PPP2R2B: variants seen among roughly 807,000 people sequenced by gnomAD.
The protein encoded by PPP2R2B is serine/threonine-protein phosphatase 2A 55 kDa regulatory subunit B beta isoform.
Under a neutral mutation model 46.0 loss-of-function variants are expected in PPP2R2B, and 5 were observed. The ratio of observed to expected loss-of-function variants is 0.11; its 90% CI spans 0.06 to 0.23. The LOEUF is 0.23. Ranked by LOEUF, PPP2R2B falls within the 10% of genes least tolerant of loss-of-function variation. The probability of loss-of-function intolerance (pLI) is 1.00; values close to 1 mark genes in which losing one functional copy is unlikely to be tolerated. For missense variants in PPP2R2B, 367 were observed against 575.0 expected (o/e 0.64, Z 3.70); for synonymous variants, 215 against 206.7 (o/e 1.04, Z -0.34).
chr5:146,851,823 AT>A (rs11436255), intron 2 of PPP2R2B, among the ~76,000 whole-genome samples: 33 of 148,778 alleles, frequency 2.2e-4, no homozygotes, highest in African/African-American at 2.5e-4. Context: ...GAGAGTCTTC[AT>A]TTTTTTTTTA....
chr5:146,981,697 C>A (rs1293135286), intron 1 of PPP2R2B, among the ~76,000 whole-genome samples: 1 of 152,148 alleles, frequency 6.6e-6, no homozygotes, highest in Non-Finnish European at 1.5e-5. Context: ...ACATTTCCAT[C>A]CCCACAAGGA....
At chr5:146,988,850 C>G (rs969780122) in intron 1 of PPP2R2B, among the ~76,000 whole-genome samples, 3 of 151,418 alleles carry the variant, frequency 2.0e-5, no homozygotes, top group Admixed American at 6.6e-5. Flanking sequence ...ACAGACAAAA[C>G]GAATAATCCT....
At chr5:146,796,287 C>T (rs769087876) in intron 2 of PPP2R2B, among the ~76,000 whole-genome samples, 5 of 152,206 alleles carry the variant, frequency 3.3e-5, no homozygotes, top group South Asian at 2.1e-4. Context: ...ATCTGTTCCT[C>T]GAGTCATCAC....
chr5:146,871,869 A>C (rs531834375), intron 2 of PPP2R2B, among the ~76,000 whole-genome samples: 7 of 152,292 alleles, frequency 4.6e-5, no homozygotes, highest in Admixed American at 3.9e-4. Flanking sequence ...TGTACCTTGA[A>C]ATTTCTTATT....
chr5:147,055,514 G>A (rs1008232905), intron 1 of PPP2R2B: 17 of 642,906 alleles, frequency 2.6e-5, no homozygotes, highest in Non-Finnish European at 4.0e-5. Context: ...ACTGATTTCA[G>A]AAGCAGATCT....
chr5:146,601,900 T>G (rs1771818997), intron 7 of PPP2R2B, among the ~76,000 whole-genome samples: 1 of 152,218 alleles, frequency 6.6e-6, no homozygotes, highest in Non-Finnish European at 1.5e-5. Flanking sequence ...TAGCTTCAGC[T>G]GATTTCCACT....
intron 5 of PPP2R2B, among the ~76,000 whole-genome samples, chr5:146,680,382 C>T: frequency 7.9e-6 from 1 of 126,352 alleles, no homozygotes; most frequent in Non-Finnish European, 1.6e-5. Flanking sequence ...ATATCACACT[C>T]TGGGGACTGT....
At chr5:146,654,995 C>T (rs1025743090) in intron 5 of PPP2R2B, among the ~76,000 whole-genome samples, 8 of 152,184 alleles carry the variant, frequency 5.3e-5, no homozygotes, top group Admixed American at 2.6e-4. Context: ...AGGATCAAGG[C>T]GGAGACAAGG....
At chr5:146,789,223 GA>G (rs2151292245) in intron 2 of PPP2R2B, among the ~76,000 whole-genome samples, 1 of 152,240 alleles carries the variant, frequency 6.6e-6, no homozygotes, top group South Asian at 2.1e-4. Flanking sequence ...TATGTGGGTG[GA>G]AAGGCAAGAG....
intron 1 of PPP2R2B, among the ~76,000 whole-genome samples, chr5:146,988,039 G>A (rs1432124525): frequency 6.6e-6 from 1 of 151,958 alleles, no homozygotes; most frequent in Non-Finnish European, 1.5e-5. Flanking sequence ...ACTATGTATT[G>A]ATGAAAGATT....
chr5:146,691,792 C>T (rs2151154057), intron 4 of PPP2R2B, among the ~76,000 whole-genome samples: 1 of 152,304 alleles, frequency 6.6e-6, no homozygotes, highest in East Asian at 1.9e-4. Flanking sequence ...TTCCCTACTG[C>T]TCCAGGTACA....
intron 2 of PPP2R2B, among the ~76,000 whole-genome samples, chr5:146,705,606 G>A (rs139408643): frequency 6.6e-6 from 1 of 152,242 alleles, no homozygotes; most frequent in East Asian, 1.9e-4. Context: ...TAAAACTGTG[G>A]TCTCCTTCTT....
chr5:147,009,618 G>GT (rs1220027945), intron 1 of PPP2R2B, among the ~76,000 whole-genome samples: 2 of 151,652 alleles, frequency 1.3e-5, no homozygotes, highest in African/African-American at 4.8e-5. Flanking sequence ...GAAAACTCAA[G>GT]TTTTTTTTAG....
chr5:146,952,480 T>C (rs1186862234), intron 1 of PPP2R2B, among the ~76,000 whole-genome samples: 3 of 151,950 alleles, frequency 2.0e-5, no homozygotes, highest in Non-Finnish European at 2.9e-5. Context: ...TACACAAGGA[T>C]GGGGAAAAAA....
At chr5:146,823,896 G>A (rs1189252786) in intron 2 of PPP2R2B, among the ~76,000 whole-genome samples, 4 of 152,118 alleles carry the variant, frequency 2.6e-5, no homozygotes, top group Non-Finnish European at 5.9e-5. Context: ...CCAAACTTAT[G>A]CTGTAATGGT....
At chr5:146,623,737 C>T (rs904290425) in intron 7 of PPP2R2B, among the ~76,000 whole-genome samples, 3 of 152,174 alleles carry the variant, frequency 2.0e-5, no homozygotes, top group African/African-American at 7.2e-5. Context: ...TTATGAGCTT[C>T]GTGGGGATAG....
At chr5:146,870,221 T>C (rs1027034940) in intron 2 of PPP2R2B, among the ~76,000 whole-genome samples, 1 of 152,144 alleles carries the variant, frequency 6.6e-6, no homozygotes, top group Admixed American at 6.5e-5. Flanking sequence ...AGTTCCCCAG[T>C]GTTATGGACC....
chr5:146,983,988 T>G (rs1362371330), intron 1 of PPP2R2B, among the ~76,000 whole-genome samples: 1 of 152,152 alleles, frequency 6.6e-6, no homozygotes, highest in Non-Finnish European at 1.5e-5. Flanking sequence ...AATGTATTTA[T>G]GTGGTACAAA....
intron 1 of PPP2R2B, among the ~76,000 whole-genome samples, chr5:146,932,719 ACT>A (rs1764008065): frequency 1.3e-5 from 2 of 152,186 alleles, no homozygotes; most frequent in East Asian, 3.9e-4. Context: ...GAGACTGAAG[ACT>A]CTAGTGGCCC....
Sources: gnomAD v4.1 joint callset for allele counts (sites outside exome capture counted in the v4.1 genomes callset) on GRCh38, gnomAD v4.1.1 for gene constraint, MANE v1.5 for transcripts, NCBI Gene and HGNC (gene_info 2026-07-23, HGNC 2026-07-21) for gene names.